Variants in CHCHD6 observed in about 807,000 individuals in gnomAD.
CHCHD6 encodes coiled-coil-helix-coiled-coil-helix domain containing 6.
In CHCHD6, 28 loss-of-function variants were observed where a neutral mutation model predicts 32.3. The ratio of observed to expected loss-of-function variants is 0.87; its 90% CI spans 0.64 to 1.19. CHCHD6 has a LOEUF of 1.19. Among genes scored for constraint, CHCHD6 ranks in the 50% most tolerant of loss-of-function variants. The probability of loss-of-function intolerance (pLI) is 0.00; values close to 1 mark genes in which losing one functional copy is unlikely to be tolerated. For missense variants in CHCHD6, 333 were observed against 307.0 expected, an observed-to-expected ratio of 1.08 and a Z score of -0.63; for synonymous variants, 122 against 117.5, an observed-to-expected ratio of 1.04 and a Z score of -0.25.
intron 5 of CHCHD6, among the ~76,000 whole-genome samples, chr3:126,902,519 A>G (rs2885497): frequency 0.37 from 56,113 of 151,734 alleles, 11,452 homozygotes; most frequent in African/African-American, 0.55. Context: ...GATCGAGACC[A>G]TCCTGGCTAA....
At chr3:126,873,238 A>C (rs1040704746) in intron 5 of CHCHD6, among the ~76,000 whole-genome samples, 1 of 152,174 alleles carries the variant, frequency 6.6e-6, no homozygotes, top group African/African-American at 2.4e-5. Context: ...CCGCAGGCCT[A>C]TTTGCTCTTT....
At chr3:126,831,759 A>C (rs1286068009) in intron 4 of CHCHD6, among the ~76,000 whole-genome samples, 2 of 152,214 alleles carry the variant, frequency 1.3e-5, no homozygotes, top group African/African-American at 4.8e-5. Flanking sequence ...CCAATACTGA[A>C]GAAGGGAAAA....
intron 6 of CHCHD6, 25 bp from the exon 7 acceptor site, chr3:126,957,391 G>A (rs1441422275): frequency 6.2e-7 from 1 of 1,604,104 alleles, no homozygotes. Flanking sequence ...TGAGCCCCAG[G>A]CCTGCCTGCT....
At chr3:126,756,052 G>A (rs115337871) in intron 4 of CHCHD6, among the ~76,000 whole-genome samples, 148 of 152,276 alleles carry the variant, frequency 9.7e-4, no homozygotes, top group African/African-American at 3.3e-3. Flanking sequence ...GGCTCGGAGA[G>A]AATCCCTGTT....
chr3:126,735,230 A>G (rs1432124891), intron 4 of CHCHD6, among the ~76,000 whole-genome samples: 1 of 152,190 alleles, frequency 6.6e-6, no homozygotes, highest in Non-Finnish European at 1.5e-5. Flanking sequence ...CCTGGAATGT[A>G]TTAATTACAG....
chr3:126,914,826 C>T, intron 6 of CHCHD6, 76 bp downstream of exon 6: 1 of 793,034 alleles, frequency 1.3e-6, no homozygotes, highest in South Asian at 1.4e-5. Context: ...TGAAACCTGC[C>T]ACCACCTGCC....
At chr3:126,916,815 A>T (rs1331317868) in intron 6 of CHCHD6, among the ~76,000 whole-genome samples, 1 of 152,254 alleles carries the variant, frequency 6.6e-6, no homozygotes, top group Non-Finnish European at 1.5e-5. Context: ...TACAGCATGG[A>T]TGTGATCCCC....
intron 4 of CHCHD6, among the ~76,000 whole-genome samples, chr3:126,771,037 C>A (rs886541979): frequency 1.3e-5 from 2 of 152,008 alleles, no homozygotes; most frequent in African/African-American, 4.8e-5. Context: ...GATTTAATTT[C>A]TTTCTGGTTT....
chr3:126,743,279 T>C (rs2107664331), intron 4 of CHCHD6, among the ~76,000 whole-genome samples: 1 of 152,312 alleles, frequency 6.6e-6, no homozygotes, highest in East Asian at 1.9e-4. Flanking sequence ...TTTAAGAAGC[T>C]GGAAGGACAC....
intron 4 of CHCHD6, among the ~76,000 whole-genome samples, chr3:126,817,909 T>C (rs1939977346): frequency 6.6e-6 from 1 of 152,186 alleles, no homozygotes. Flanking sequence ...ACATACCACC[T>C]GGGGGCTATA....
chr3:126,732,956 C>G, intron 3 of CHCHD6, 122 bp from the exon 4 acceptor site: 1 of 1,094,272 alleles, frequency 9.1e-7, no homozygotes, highest in South Asian at 1.5e-5. Context: ...CCTTTCCTGA[C>G]CAGCCGCTGG....
chr3:126,752,194 C>T (rs1289182352), intron 4 of CHCHD6, among the ~76,000 whole-genome samples: 1 of 152,186 alleles, frequency 6.6e-6, no homozygotes, highest in Non-Finnish European at 1.5e-5. Flanking sequence ...GAAGGCCAGG[C>T]TCTGAGAATG....
chr3:126,748,943 G>A (rs1936615331), intron 4 of CHCHD6, among the ~76,000 whole-genome samples: 2 of 152,220 alleles, frequency 1.3e-5, no homozygotes, highest in South Asian at 4.1e-4. Context: ...GCTGCAGAGA[G>A]AGAGAGAGTG....
At chr3:126,899,705 T>G (rs963685964) in intron 5 of CHCHD6, among the ~76,000 whole-genome samples, 2 of 152,106 alleles carry the variant, frequency 1.3e-5, no homozygotes. Context: ...CCTTTCCTGG[T>G]CTTGAGAGTG....
At chr3:126,958,084 A>G (rs1166427722) in intron 7 of CHCHD6, among the ~76,000 whole-genome samples, 1 of 150,876 alleles carries the variant, frequency 6.6e-6, no homozygotes, top group Admixed American at 6.6e-5. Flanking sequence ...CTCTCTGGTC[A>G]CCTCCCACTC....
intron 4 of CHCHD6, among the ~76,000 whole-genome samples, chr3:126,741,779 G>A (rs1289360107): frequency 6.6e-6 from 1 of 152,164 alleles, no homozygotes; most frequent in Admixed American, 6.5e-5. Flanking sequence ...GGGAGCCATT[G>A]ACCCCAGAGT....
chr3:126,730,657 G>T (rs201019715), intron 3 of CHCHD6, 27 bp downstream of exon 3: 2 of 1,598,668 alleles, frequency 1.3e-6, no homozygotes, highest in Non-Finnish European at 1.7e-6. Context: ...GCTTGCTCCC[G>T]GCACTGCGCT....
rs2078584379 is a variant in CHCHD6 at position 126,943,099 on chromosome 3, A to G, written c.567-14317A>G. Among the ~76,000 whole-genome samples, 4 of 152,220 alleles carry G rather than the reference A, an allele frequency of 2.6e-5. No homozygotes were observed. The South Asian group carries it at 8.3e-4, about 32-fold the overall frequency. ...AGTGAACTTTTGTTTCAATGTAACC[A>G]GTCTCTCAACCATGCCAGCCGCCTT... On this transcript the variant is annotated intron_variant, in intron 6 of 7. Coordinates refer to ENST00000290913, the MANE Select transcript of CHCHD6 (RefSeq NM_032343.3).
intron 5 of CHCHD6, among the ~76,000 whole-genome samples, chr3:126,864,725 T>C (rs1418393959): frequency 4.1e-5 from 4 of 97,418 alleles, no homozygotes; most frequent in African/African-American, 1.2e-4. Context: ...TCCACCATCA[T>C]CTCCTCTTCC....
Sources: allele counts gnomAD v4.1 joint callset (sites outside exome capture counted in the v4.1 genomes callset), GRCh38; gene constraint gnomAD v4.1.1; transcripts MANE v1.5; gene names NCBI Gene and HGNC (gene_info 2026-07-23, HGNC 2026-07-21).